NPAS3: variants seen among roughly 807,000 people sequenced by gnomAD.
The protein encoded by NPAS3 is neuronal PAS domain protein 3, also known as neuronal PAS domain-containing protein 3.
A neutral mutation model predicts 73.1 loss-of-function variants in NPAS3; 14 were observed. The ratio of observed to expected loss-of-function variants is 0.19; its 90% CI spans 0.13 to 0.30. NPAS3 has a LOEUF of 0.30. Ranked by LOEUF, NPAS3 falls within the 10% of genes least tolerant of loss-of-function variation. The pLI is 1.00. For synonymous variants in NPAS3, 620 were observed against 541.5 expected, an observed-to-expected ratio of 1.14 and a Z score of -2.01; for missense variants, 1,096 against 1,250.0, an observed-to-expected ratio of 0.88 and a Z score of 1.86.
intron 5 of NPAS3, among the ~76,000 whole-genome samples, chr14:33,610,479 G>A (rs1357611249): frequency 6.6e-6 from 1 of 151,756 alleles, no homozygotes; most frequent in Non-Finnish European, 1.5e-5. Context: ...TTTTCACCAA[G>A]ACCTACAGTT....
intron 2 of NPAS3, among the ~76,000 whole-genome samples, chr14:33,196,547 G>C (rs1019128524): frequency 1.3e-5 from 2 of 152,100 alleles, no homozygotes; most frequent in African/African-American, 4.8e-5. Context: ...CGCATAGATG[G>C]GTGGCTCTCC....
intron 3 of NPAS3, among the ~76,000 whole-genome samples, chr14:33,285,947 C>T (rs2041856915): frequency 1.3e-5 from 2 of 152,156 alleles, no homozygotes; most frequent in African/African-American, 2.4e-5. Flanking sequence ...TTGTAACCTT[C>T]CCCATCCCAA....
At chr14:33,417,707 A>AG (rs1224346257) in intron 4 of NPAS3, among the ~76,000 whole-genome samples, 1 of 151,992 alleles carries the variant, frequency 6.6e-6, no homozygotes, top group African/African-American at 2.4e-5. Flanking sequence ...TGCCTTATTC[A>AG]GGATAACTTT....
chr14:33,023,051 C>A (rs1172374949), intron 1 of NPAS3, among the ~76,000 whole-genome samples: 1 of 151,920 alleles, frequency 6.6e-6, no homozygotes, highest in Non-Finnish European at 1.5e-5. Flanking sequence ...CATCTGTACT[C>A]TTCTAAGCCG....
At chr14:33,314,316 T>G (rs543462153) in intron 3 of NPAS3, among the ~76,000 whole-genome samples, 1 of 152,218 alleles carries the variant, frequency 6.6e-6, no homozygotes, top group Non-Finnish European at 1.5e-5. Flanking sequence ...ATAACAAGAT[T>G]TTCAAATCAC....
chr14:33,455,553 C>A (rs1396822320), intron 4 of NPAS3, among the ~76,000 whole-genome samples: 5 of 152,158 alleles, frequency 3.3e-5, no homozygotes, highest in Non-Finnish European at 5.9e-5. Context: ...CAAGAAAAAA[C>A]CAACTTCTTG....
chr14:33,667,405 C>T (rs1595394653), intron 5 of NPAS3, among the ~76,000 whole-genome samples: 1 of 152,116 alleles, frequency 6.6e-6, no homozygotes, highest in Non-Finnish European at 1.5e-5. Context: ...GGGTTTGCTC[C>T]CTCACCACCA....
chr14:33,053,809 C>G (rs2040792853), intron 1 of NPAS3, among the ~76,000 whole-genome samples: 1 of 152,168 alleles, frequency 6.6e-6, no homozygotes, highest in South Asian at 2.1e-4. Flanking sequence ...CCCTTCCTCT[C>G]TACCCAAAAC....
intron 4 of NPAS3, among the ~76,000 whole-genome samples, chr14:33,507,156 C>T (rs2052805933): frequency 6.6e-6 from 1 of 151,818 alleles, no homozygotes; most frequent in Non-Finnish European, 1.5e-5. Context: ...ACACCCCAAC[C>T]CAAAGATCTA....
chr14:33,517,204 T>G (rs2053343191), intron 4 of NPAS3, among the ~76,000 whole-genome samples: 2 of 152,038 alleles, frequency 1.3e-5, no homozygotes, highest in South Asian at 4.1e-4. Context: ...TGATTGTAGT[T>G]CGCTTATCTT....
At chr14:33,089,539 T>C (rs546527416) in intron 2 of NPAS3, among the ~76,000 whole-genome samples, 1 of 152,304 alleles carries the variant, frequency 6.6e-6, no homozygotes, top group Non-Finnish European at 1.5e-5. Context: ...TACCTGAAAC[T>C]GACGGGGAGA....
chr14:33,449,111 A>T (rs1230732558), intron 4 of NPAS3, among the ~76,000 whole-genome samples: 1 of 152,162 alleles, frequency 6.6e-6, no homozygotes, highest in Admixed American at 6.5e-5. Context: ...TAGAGGTGAC[A>T]TTGTCTGCTG....
At chr14:33,065,997 G>A (rs1449686865) in intron 2 of NPAS3, among the ~76,000 whole-genome samples, 2 of 152,086 alleles carry the variant, frequency 1.3e-5, no homozygotes, top group South Asian at 2.1e-4. Context: ...TGGGCACAAA[G>A]CATCCTGTCC....
intron 2 of NPAS3, among the ~76,000 whole-genome samples, chr14:33,182,100 G>C (rs1566648358): frequency 6.6e-6 from 1 of 152,104 alleles, no homozygotes; most frequent in Non-Finnish European, 1.5e-5. Flanking sequence ...TGTATGCAGA[G>C]CAGTCAATAG....
At chr14:33,178,249 ATT>A (rs2045669025) in intron 2 of NPAS3, among the ~76,000 whole-genome samples, 1 of 151,618 alleles carries the variant, frequency 6.6e-6, no homozygotes, top group African/African-American at 2.4e-5. Flanking sequence ...AAATTTTTGT[ATT>A]TTTAGCACAG....
intron 1 of NPAS3, among the ~76,000 whole-genome samples, chr14:33,021,665 C>A (rs889909832): frequency 6.6e-6 from 1 of 152,110 alleles, no homozygotes; most frequent in African/African-American, 2.4e-5. Flanking sequence ...TGAAGTCATC[C>A]CTAATTATTT....
intron 7 of NPAS3, among the ~76,000 whole-genome samples, chr14:33,741,105 A>G (rs534956765): frequency 1.3e-5 from 2 of 152,128 alleles, no homozygotes; most frequent in Non-Finnish European, 2.9e-5. Flanking sequence ...ATCAGCTAGG[A>G]GTCTCCTCCT....
intron 2 of NPAS3, among the ~76,000 whole-genome samples, chr14:33,197,198 A>G (rs1358475265): frequency 6.6e-6 from 1 of 150,864 alleles, no homozygotes; most frequent in Non-Finnish European, 1.5e-5. Context: ...GAAGGGAAGC[A>G]AATTGTAGCA....
chr14:33,070,065 A>G (rs112075764), intron 2 of NPAS3, among the ~76,000 whole-genome samples: 1 of 152,258 alleles, frequency 6.6e-6, no homozygotes, highest in Non-Finnish European at 1.5e-5. Context: ...ATGTTTTCTT[A>G]TTATTTTTTA....
Sources: gnomAD v4.1 joint callset for allele counts (sites outside exome capture counted in the v4.1 genomes callset) on GRCh38, gnomAD v4.1.1 for gene constraint, MANE v1.5 for transcripts, NCBI Gene and HGNC (gene_info 2026-07-23, HGNC 2026-07-21) for gene names.